The following EXD3 variants were observed in gnomAD, a reference collection of about 807,000 sequenced individuals.
EXD3 encodes exonuclease mut-7 homolog.
EXD3 carries 92 observed loss-of-function variants against 98.0 expected under a neutral mutation model. That is an observed-to-expected ratio of 0.94 (90% confidence interval 0.79 to 1.12). The LOEUF (loss-of-function observed/expected upper bound fraction) is 1.12, where lower values mean the gene tolerates loss of function less well. Ranked by LOEUF, EXD3 falls within the 50% of genes most tolerant of loss-of-function variation. EXD3 has a pLI of 0.00. For missense variants in EXD3, 1,222 were observed against 1,191.6 expected, an observed-to-expected ratio of 1.03 and a Z score of -0.38; for synonymous variants, 569 against 526.0, an observed-to-expected ratio of 1.08 and a Z score of -1.12.
At chr9:137,391,534 G>A (rs1836907519) in intron 2 of EXD3, among the ~76,000 whole-genome samples, 1 of 152,172 alleles carries the variant, frequency 6.6e-6, no homozygotes, top group African/African-American at 2.4e-5. Context: ...GCTTCCTGGA[G>A]CTGCTGCATC....
chr9:137,319,287 A>G (rs994211434), intron 19 of EXD3, among the ~76,000 whole-genome samples: 2 of 152,208 alleles, frequency 1.3e-5, no homozygotes, highest in Non-Finnish European at 2.9e-5. Flanking sequence ...CTGCGGTGGC[A>G]GGCCCGGGGT....
chr9:137,365,667 C>A, intron 7 of EXD3: 1 of 245,538 alleles, frequency 4.1e-6, no homozygotes, highest in Non-Finnish European at 7.9e-6. Flanking sequence ...ACACCACACG[C>A]ACACACATGC....
intron 1 of EXD3, among the ~76,000 whole-genome samples, chr9:137,416,271 C>G (rs995726522): frequency 1.2e-4 from 19 of 152,220 alleles, no homozygotes; most frequent in African/African-American, 4.3e-4. Context: ...ACGTCTCAGT[C>G]CTCAGCAGCC....
rs1203998339 is a variant in EXD3, at chr9:137,361,321, A to C, written c.657-4953T>G. Among the ~76,000 whole-genome samples the C allele has an allele frequency of 9.2e-5, 8 of 87,268 alleles. 4 individuals carry two copies. Among genetic ancestry groups the C allele is most frequent in the African/African-American group, 2.5e-4 (8 of 31,572 alleles). The allele number at this position is 87,268 out of a possible 152,430, so 57.3% of individuals were successfully genotyped here. On this transcript the variant is annotated intron_variant, in intron 7 of 21. Coordinates refer to ENST00000340951, the MANE Select transcript of EXD3 (RefSeq NM_017820.5). ...AAAGCAGAGGAAGGGCCACCTGAAC[A>C]CATTACAGGGAAAAGTTTTCAAGCC...
intron 13 of EXD3, 29 bp from the exon 14 acceptor site, chr9:137,351,176 C>T (rs371400451): frequency 2.0e-4 from 308 of 1,549,654 alleles, no homozygotes; most frequent in Non-Finnish European, 2.6e-4. Context: ...GTGGGAGGGG[C>T]GCCTGCAGGC....
Position 137,324,883 on chromosome 9 carries a change from G to A in EXD3, c.1999-740C>T, listed in dbSNP as rs1446678399. ...AATTTTTTGTATTTTTAGTAGAGAC[G>A]GGGTTTCACCGTGTTAGCCAGGATG... On this transcript the variant is annotated intron_variant, in intron 17 of 21. Transcript: ENST00000340951. This position sits in a 1 kb window ranked among gnomAD's most constrained non-coding sequence, Gnocchi z 4.1. Among the ~76,000 whole-genome samples the A allele has an allele frequency of 2.6e-5, 4 of 151,906 alleles. No homozygotes were observed. Among genetic ancestry groups the A allele is most frequent in the African/African-American group, 7.3e-5 (3 of 41,324 alleles).
intron 19 of EXD3, among the ~76,000 whole-genome samples, chr9:137,318,292 G>A (rs575577395): frequency 2.5e-4 from 38 of 152,178 alleles, no homozygotes; most frequent in African/African-American, 8.7e-4. Flanking sequence ...GGGCTTCCCA[G>A]GCGCCCATGA....
rs920216570 is a variant in EXD3 at position 137,385,770 on chromosome 9, T to A, written c.56-2393A>T. Among the ~76,000 whole-genome samples, 3 of 151,932 alleles carry A rather than the reference T, an allele frequency of 2.0e-5. No homozygotes were observed. Among genetic ancestry groups the A allele is most frequent in the Non-Finnish European group, 4.4e-5 (3 of 67,986 alleles). ...GCTGGTCTTGAACTCCTGAGCTCAA[T>A]TGGTCCGTCCACCTCGGCCTCCCAA... On this transcript the variant is annotated intron_variant, in intron 2 of 21. Transcript: ENST00000340951. This position sits in a 1 kb window ranked among gnomAD's most constrained non-coding sequence, Gnocchi z 4.4.
chr9:137,332,670 C>T (rs146405344), intron 17 of EXD3, among the ~76,000 whole-genome samples: 4,426 of 151,252 alleles, frequency 0.029, 113 homozygotes, highest in South Asian at 0.068. Flanking sequence ...AGTGAAACCC[C>T]GTCTCTACTA....
rs750623889 is a variant in EXD3, at chr9:137,351,450, G to T, written c.1252C>A (p.Gln418Lys). 6.2e-7 allele frequency: 1 copy of T among 1,604,274 alleles called. No individual in the cohort carries two copies. The highest frequency in any genetic ancestry group is 8.5e-7 in the Non-Finnish European group (1 of 1,176,772). ...AGGRPRPSLL[Q>K]VAVEGHVFLL... ...AACACGTGGCCCTCCACGGCCACCT[G>T]CAGGAGTGACGGCCGAGGCCGGCCC... is the stretch of plus-strand genomic sequence containing the variant. The change falls in exon 13 of 22, where the codon CAG (glutamine) becomes AAG (lysine). Residue 418 changes from glutamine to lysine, a missense_variant. Transcript: ENST00000340951.
At chr9:137,374,449 G>A (rs1428676052) in intron 3 of EXD3, 3 of 550,864 alleles carry the variant, frequency 5.4e-6, no homozygotes, top group South Asian at 7.9e-5. Context: ...CTGCGATGTG[G>A]ATGGTGTGCT....
chr9:137,388,457 G>C (rs1286277598), intron 2 of EXD3, among the ~76,000 whole-genome samples: 1 of 152,174 alleles, frequency 6.6e-6, no homozygotes, highest in African/African-American at 2.4e-5. Context: ...TTGAGACACA[G>C]ACGCACGCGG....
In EXD3 at chr9:137,385,735, T is replaced by C. The variant is rs1402531150; in HGVS notation, c.56-2358A>G. The stretch of plus-strand genomic sequence containing the variant: ...TTTTAGTAGAGACGGGTTTTCACCA[T>C]GTTGGCCAGGCTGGTCTTGAACTCC... On this transcript the variant is annotated intron_variant, in intron 2 of 21. Transcript: ENST00000340951. This position sits in a 1 kb window ranked among gnomAD's most constrained non-coding sequence, Gnocchi z 4.4. 6.6e-6 allele frequency among the ~76,000 whole-genome samples: 1 copy of C among 152,034 alleles called. No homozygotes were observed. The highest frequency in any genetic ancestry group is 1.5e-5 in the Non-Finnish European group (1 of 68,008).
chr9:137,373,122 G>T, intron 4 of EXD3, 50 bp from the exon 5 acceptor site: 1 of 1,508,298 alleles, frequency 6.6e-7, no homozygotes. Flanking sequence ...CAGTGGCTGG[G>T]CCATGGGGCC....
chr9:137,369,120 G>A (rs1475431581), intron 5 of EXD3, among the ~76,000 whole-genome samples: 2 of 145,558 alleles, frequency 1.4e-5, no homozygotes, highest in Non-Finnish European at 3.1e-5. Flanking sequence ...GGGAGTCTCG[G>A]AGTCGTGGGG....
intron 17 of EXD3, among the ~76,000 whole-genome samples, chr9:137,330,168 C>T (rs1353627728): frequency 1.2e-4 from 12 of 103,266 alleles, no homozygotes; most frequent in Admixed American, 9.1e-4. Context: ...AGGACTACAC[C>T]GGAGCTACAC....
At chr9:137,406,915 G>T (rs961453436) in intron 1 of EXD3, among the ~76,000 whole-genome samples, 18 of 152,176 alleles carry the variant, frequency 1.2e-4, no homozygotes, top group African/African-American at 3.1e-4. Context: ...GGACCCGACG[G>T]GGCAGCCCCA....
In EXD3 at chr9:137,349,493, C is replaced by A; in HGVS notation, c.1533G>T (p.Arg511Ser). 1 of 1,603,108 alleles carries A rather than the reference C, an allele frequency of 6.2e-7. No homozygotes were observed. The highest frequency in any genetic ancestry group is 8.5e-7 in the Non-Finnish European group (1 of 1,177,358). ...GGCTCAGGCCCCTCAGCTCCCTGGC[C>A]CTGTCCACGGCTGGGGCTGGCACGC... ...VASVPAPAVD[R>S]ARELRGLSLL... The change falls in exon 15 of 22, where the codon AGG becomes AGT. Residue 511 changes from arginine to serine, a missense_variant. By Grantham distance (110) the Arg-to-Ser change is moderately radical. Transcript: ENST00000340951. The surrounding 1 kb of genome is among the most constrained non-coding windows in gnomAD (Gnocchi z 7.4).
chr9:137,395,252 A>C lies in EXD3; in HGVS notation c.55+51T>G, dbSNP rs1837149860. 1.6e-4 allele frequency: 201 copies of C among 1,263,036 alleles called. No individual in the cohort carries two copies. Among genetic ancestry groups the C allele is most frequent in the Non-Finnish European group, 2.0e-4 (177 of 868,366 alleles). The allele number at this position is 1,263,036 out of a possible 1,614,324, so 78.2% of individuals were successfully genotyped here. On this transcript the variant is annotated intron_variant, in intron 2 of 21. Coordinates refer to ENST00000340951, the MANE Select transcript of EXD3 (RefSeq NM_017820.5). This position sits in a 1 kb window ranked among gnomAD's most constrained non-coding sequence, Gnocchi z 6.5. Reference sequence around the variant, plus strand: ...CACCACCCCCCATGCACACCCACGCACCTCCCCCCACAGCCCCAGGGAGAC... The same window carrying C: ...CACCACCCCCCATGCACACCCACGCCCCTCCCCCCACAGCCCCAGGGAGAC...
Sources: allele counts gnomAD v4.1 joint callset (sites outside exome capture counted in the v4.1 genomes callset), GRCh38; gene constraint gnomAD v4.1.1; non-coding constraint Gnocchi (gnomAD v3.1); transcripts MANE v1.5; gene names NCBI Gene and HGNC (gene_info 2026-07-23, HGNC 2026-07-21).